Variants in PPP1R1C observed in about 807,000 individuals in gnomAD.
PPP1R1C encodes protein phosphatase 1 regulatory inhibitor subunit 1C, also known as protein phosphatase 1 regulatory subunit 1C.
A neutral mutation model predicts 17.4 loss-of-function variants in PPP1R1C; 15 were observed. The ratio of observed to expected loss-of-function variants is 0.86; its 90% CI spans 0.58 to 1.33. PPP1R1C has a LOEUF of 1.33. Among genes scored for constraint, PPP1R1C ranks in the 40% most tolerant of loss-of-function variants. PPP1R1C has a pLI of 0.00. For synonymous variants in PPP1R1C, 35 were observed against 43.1 expected (o/e 0.81, Z 0.73); for missense variants, 143 against 130.0 (o/e 1.10, Z -0.48).
intron 2 of PPP1R1C, among the ~76,000 whole-genome samples, chr2:182,045,975 A>T (rs1467627084): frequency 6.6e-6 from 1 of 152,110 alleles, no homozygotes; most frequent in African/African-American, 2.4e-5. Context: ...ATACAACATG[A>T]TGTTTTGATA....
rs554088186 is a variant in PPP1R1C, at chr2:181,994,033, A to G, written c.142+6134A>G. 5.9e-5 allele frequency among the ~76,000 whole-genome samples: 9 copies of G among 151,992 alleles called. No individual in the cohort carries two copies. In the East Asian group the frequency reaches 1.7e-3, roughly 29 times the overall value. ...AGTGGGTAAGAAAAAAAAAAGATCTATAGTACCCCCTAATTCATCAGGAGA... is the reference window on the plus strand; with the variant it reads ...AGTGGGTAAGAAAAAAAAAAGATCTGTAGTACCCCCTAATTCATCAGGAGA... On this transcript the variant is annotated intron_variant, in intron 2 of 4. Coordinates refer to ENST00000682840, the MANE Select transcript of PPP1R1C (RefSeq NM_001080545.3).
chr2:182,103,805 G>GT (rs749088034), intron 4 of PPP1R1C: 2 of 152,220 alleles, frequency 1.3e-5, no homozygotes, highest in Non-Finnish European at 2.9e-5. Flanking sequence ...AACAAACTGA[G>GT]TGGAGGCCTT....
At chr2:182,059,491 A>C (rs1469758675) in intron 2 of PPP1R1C, among the ~76,000 whole-genome samples, 1 of 151,944 alleles carries the variant, frequency 6.6e-6, no homozygotes, top group Non-Finnish European at 1.5e-5. Flanking sequence ...TGAGGCCCTG[A>C]GGGAAAAAAA....
chr2:182,002,973 C>T (rs1205292097), intron 2 of PPP1R1C, among the ~76,000 whole-genome samples: 1 of 126,448 alleles, frequency 7.9e-6, no homozygotes, highest in African/African-American at 2.9e-5. Context: ...CTGTCATCAA[C>T]TATTATATTG....
At chr2:182,013,847 T>C (rs528490259) in intron 2 of PPP1R1C, among the ~76,000 whole-genome samples, 18 of 152,348 alleles carry the variant, frequency 1.2e-4, no homozygotes, top group African/African-American at 3.8e-4. Context: ...AGTACATCAA[T>C]AGAATTTTTC....
intron 1 of PPP1R1C, among the ~76,000 whole-genome samples, chr2:181,955,958 G>A (rs1215663938): frequency 6.6e-6 from 1 of 152,014 alleles, no homozygotes; most frequent in East Asian, 1.9e-4. Flanking sequence ...GTACACATGT[G>A]CCATGGTGGT....
rs1303410626 is a variant in PPP1R1C at position 181,976,976 on chromosome 2, A to G, written n.157+1712A>G. Among the ~76,000 whole-genome samples, 2 of 151,778 alleles carry G rather than the reference A, an allele frequency of 1.3e-5. No homozygotes were observed. Among genetic ancestry groups the G allele is most frequent in the Non-Finnish European group, 2.9e-5 (2 of 67,928 alleles). ...AACATAGCGAGACCCTGTCTCTACT[A>G]AAAATACAAAAATTAGCTTGGCATG... On this transcript the variant is annotated intron_variant and non_coding_transcript_variant, in intron 2 of 5. Coordinates refer to the PPP1R1C transcript ENST00000464264. The surrounding 1 kb of genome is among the most constrained non-coding windows in gnomAD (Gnocchi z 4.8).
intron 2 of PPP1R1C, among the ~76,000 whole-genome samples, chr2:181,996,943 T>C (rs1356416486): frequency 2.6e-5 from 4 of 152,196 alleles, no homozygotes; most frequent in Admixed American, 6.5e-5. Flanking sequence ...AGAAGACATA[T>C]ACACAGCCGG....
chr2:182,071,556 T>G lies in PPP1R1C; in HGVS notation c.241+7765T>G, dbSNP rs955616159. Among the ~76,000 whole-genome samples, 9 of 152,224 alleles carry G rather than the reference T, an allele frequency of 5.9e-5. 1 individual carries two copies. Among genetic ancestry groups the G allele is most frequent in the African/African-American group, 2.2e-4 (9 of 41,460 alleles). The stretch of plus-strand genomic sequence containing the variant: ...TCCTTTTTTTACTCCGTTTCCATAC[T>G]GTACTCTTTGGAAGGAAGTCACTGT... On this transcript the variant is annotated intron_variant, in intron 4 of 4. Coordinates refer to ENST00000682840, the MANE Select transcript of PPP1R1C (RefSeq NM_001080545.3).
chr2:182,008,055 G>T (rs1574372206), intron 2 of PPP1R1C, among the ~76,000 whole-genome samples: 1 of 149,346 alleles, frequency 6.7e-6, no homozygotes, highest in East Asian at 2.0e-4. Flanking sequence ...GCGAAAGAGC[G>T]AGACTCCGTC....
At chr2:182,120,672 C>A (rs137956818), downstream of PPP1R1C, among the ~76,000 whole-genome samples, 3 of 152,098 alleles carry the variant, frequency 2.0e-5, no homozygotes, top group Admixed American at 2.0e-4. Context: ...ATTTGAGACA[C>A]CCTGAGGTGC....
chr2:182,066,189 A>G (rs1687977844), intron 4 of PPP1R1C, among the ~76,000 whole-genome samples: 1 of 152,190 alleles, frequency 6.6e-6, no homozygotes, highest in Non-Finnish European at 1.5e-5. Context: ...TTTTACAGGT[A>G]CAGCTTTCCA....
chr2:181,981,222 C>T (rs199542153), upstream of PPP1R1C, among the ~76,000 whole-genome samples: 1 of 152,116 alleles, frequency 6.6e-6, no homozygotes, highest in Non-Finnish European at 1.5e-5. Context: ...GCCACCGTGC[C>T]CGGCCAAGGA....
intron 2 of PPP1R1C, among the ~76,000 whole-genome samples, chr2:181,996,384 T>C (rs902856481): frequency 6.6e-6 from 1 of 152,146 alleles, no homozygotes; most frequent in Non-Finnish European, 1.5e-5. Context: ...GTCTCTGCCC[T>C]CTCCATACTC....
At chr2:182,010,066 T>C (rs1023344002) in intron 2 of PPP1R1C, among the ~76,000 whole-genome samples, 1 of 152,084 alleles carries the variant, frequency 6.6e-6, no homozygotes, top group South Asian at 2.1e-4. Context: ...TCCTCCAGTT[T>C]TGTTCTTTTT....
chr2:181,997,855 A>G (rs1327357598), intron 2 of PPP1R1C, among the ~76,000 whole-genome samples: 1 of 152,184 alleles, frequency 6.6e-6, no homozygotes, highest in Non-Finnish European at 1.5e-5. Flanking sequence ...ATTACAGTTA[A>G]TTTTATCCCC....
chr2:182,108,857 C>A (rs1689333625), intron 4 of PPP1R1C, among the ~76,000 whole-genome samples: 1 of 152,098 alleles, frequency 6.6e-6, no homozygotes, highest in Non-Finnish European at 1.5e-5. Flanking sequence ...GTGTGGACAT[C>A]AGTTTTCGAT....
At chr2:182,047,277 T>G (rs1334680128) in intron 2 of PPP1R1C, among the ~76,000 whole-genome samples, 1 of 152,230 alleles carries the variant, frequency 6.6e-6, no homozygotes, top group African/African-American at 2.4e-5. Context: ...AACACCTAAA[T>G]TATTCAAATC....
rs527257353 is a variant in PPP1R1C, at chr2:182,033,827, T to C, written c.143-27615T>C. On this transcript the variant is annotated intron_variant, in intron 2 of 4. Transcript: ENST00000682840. The stretch of plus-strand genomic sequence containing the variant: ...AAGGCCCGCCACAATGTTTCCTATT[T>C]ACCTTTTCAATCTCATCCTTACGCT... Among the ~76,000 whole-genome samples, 8 of 152,330 alleles carry C rather than the reference T, an allele frequency of 5.3e-5. No homozygotes were observed. The South Asian group carries it at 1.2e-3, about 24-fold the overall frequency.
Sources: gnomAD v4.1 joint callset for allele counts (sites outside exome capture counted in the v4.1 genomes callset) on GRCh38, gnomAD v4.1.1 for gene constraint, Gnocchi (gnomAD v3.1) non-coding constraint, MANE v1.5 for transcripts, NCBI Gene and HGNC (gene_info 2026-07-23, HGNC 2026-07-21) for gene names.